Variants in PCDH11X observed in about 807,000 individuals in gnomAD.
PCDH11X encodes the protein protocadherin 11 X-linked.
A neutral mutation model predicts 53.3 loss-of-function variants in PCDH11X; 18 were observed. That is an observed-to-expected ratio of 0.34 (90% CI 0.23 to 0.50). The LOEUF (loss-of-function observed/expected upper bound fraction) is 0.50, where lower values mean the gene tolerates loss of function less well. Among genes scored for constraint, PCDH11X ranks in the 20% least tolerant of loss-of-function variants. The pLI is 0.98. For missense variants in PCDH11X, 570 were observed against 1,032.4 expected, an observed-to-expected ratio of 0.55 and a Z score of 6.14; for synonymous variants, 279 against 393.3, an observed-to-expected ratio of 0.71 and a Z score of 3.44.
At chrX:92,142,506 C>T (rs1210919961) in intron 6 of PCDH11X, among the ~76,000 whole-genome samples, 1 of 110,921 alleles carries the variant, frequency 9.0e-6, no homozygotes, top group African/African-American at 3.3e-5. Flanking sequence ...AGGCATGAGC[C>T]ACTGTGCCCG....
intron 9 of PCDH11X, among the ~76,000 whole-genome samples, chrX:92,395,806 G>A (rs377203092): frequency 1.5e-4 from 17 of 110,157 alleles, no homozygotes; most frequent in Admixed American, 1.4e-3. Flanking sequence ...AGTCACTAAT[G>A]TTGGTAAGCA....
intron 6 of PCDH11X, among the ~76,000 whole-genome samples, chrX:92,178,880 A>C (rs2065950542): frequency 8.9e-6 from 1 of 112,016 alleles, no homozygotes; most frequent in Non-Finnish European, 1.9e-5. Flanking sequence ...ACTATTTCAA[A>C]ATTAAATGAA....
chrX:92,293,588 A>T (rs6522517), intron 8 of PCDH11X, among the ~76,000 whole-genome samples: 1 of 101,719 alleles, frequency 9.8e-6, no homozygotes, highest in Non-Finnish European at 1.9e-5. Flanking sequence ...GCGCCACTGC[A>T]CTCCAGCCTG....
At position 92,621,765 on chromosome X, in the gene PCDH11X, G is replaced by A. The variant is rs930511574; in HGVS notation, c.*2825G>A. 4.5e-5 allele frequency: 5 copies of A among 111,549 alleles called. No homozygotes were observed. Among genetic ancestry groups the A allele is most frequent in the African/African-American group, 1.3e-4 (4 of 30,630 alleles). 9.2% of individuals were successfully genotyped at this position (111,549 alleles called of 1,213,427 possible). A position where few individuals can be genotyped will look rare whatever the true frequency, so the allele number is the denominator to read the frequency against. On this transcript the variant is annotated 3_prime_UTR_variant, in exon 11 of 11. Transcript: ENST00000682573. ...GTATGTAGTCCTACAACTGCAAAAC[G>A]TCTTACTGAACCAACAATCAAAAAA...
chrX:92,043,220 A>G (rs1429261045), intron 6 of PCDH11X, among the ~76,000 whole-genome samples: 3 of 107,045 alleles, frequency 2.8e-5, no homozygotes, highest in Non-Finnish European at 3.8e-5. Context: ...TTTCTTTAAC[A>G]TATTTTACTT....
At chrX:92,226,882 G>C (rs1372336470) in intron 7 of PCDH11X, among the ~76,000 whole-genome samples, 2 of 111,478 alleles carry the variant, frequency 1.8e-5, no homozygotes, top group Non-Finnish European at 1.9e-5. Flanking sequence ...AAAAGTTTTA[G>C]AGATAAAGAG....
At position 92,564,124 on chromosome X, in the gene PCDH11X, C is replaced by G. The variant is rs142656714; in HGVS notation, c.3368-54140C>G. On this transcript the variant is annotated intron_variant, in intron 10 of 10. Transcript: ENST00000682573. ...TGATAAAAGTAACTGAAGAGGACAC[C>G]AAAAAATGGAAAGATATTTCGTGTT... Among the ~76,000 whole-genome samples the G allele has an allele frequency of 7.0e-3, 773 of 110,610 alleles. 7 individuals are homozygous for G. The highest frequency in any genetic ancestry group is 0.024 in the African/African-American group (722 of 30,541).
rs1300630694 is a variant in PCDH11X at position 92,408,702 on chromosome X, C to G, written c.3343+20769C>G. Among the ~76,000 whole-genome samples the G allele has an allele frequency of 2.7e-5, 3 of 110,925 alleles. No individual in the cohort carries two copies. The Admixed American group carries it at 2.9e-4, about 11-fold the overall frequency. ...GGTTCACGCCATTCTCCTGCCTCAG[C>G]CTCCTCAGCAGCTGGGACTACAGGT... On this transcript the variant is annotated intron_variant, in intron 9 of 10. Transcript: ENST00000682573.
intron 10 of PCDH11X, among the ~76,000 whole-genome samples, chrX:92,539,102 G>T (rs2074715002): frequency 9.1e-6 from 1 of 109,664 alleles, no homozygotes; most frequent in Non-Finnish European, 1.9e-5. Context: ...AATCTGCATG[G>T]TGTTTTGTAA....
chrX:92,341,390 C>A (rs1373751263), intron 8 of PCDH11X, among the ~76,000 whole-genome samples: 1 of 111,654 alleles, frequency 9.0e-6, no homozygotes, highest in African/African-American at 3.3e-5. Context: ...CTCCTTGATA[C>A]CAAATTTTTG....
intron 8 of PCDH11X, among the ~76,000 whole-genome samples, chrX:92,277,737 G>A (rs145108305): frequency 2.9e-3 from 316 of 110,140 alleles, no homozygotes; most frequent in Non-Finnish European, 3.9e-3. Context: ...GGATTGGGGC[G>A]CAGAGATACG....
rs1007182626 is a variant in PCDH11X, at chrX:92,328,314, T to G, written c.3145-59421T>G. On this transcript the variant is annotated intron_variant, in intron 8 of 10. Coordinates refer to ENST00000682573, the MANE Select transcript of PCDH11X (RefSeq NM_032968.5). ...GGCTAGGGTCCCTGGTCAGTGATTATAGGGAAATTTATGGCATAAAATTAC... is the reference window on the plus strand; with the variant it reads ...GGCTAGGGTCCCTGGTCAGTGATTAGAGGGAAATTTATGGCATAAAATTAC... Among the ~76,000 whole-genome samples the G allele has an allele frequency of 4.5e-5, 5 of 110,430 alleles. No homozygotes were observed. The South Asian group carries it at 1.1e-3, about 25-fold the overall frequency.
At chrX:91,859,310 T>C (rs1468053550) in intron 5 of PCDH11X, among the ~76,000 whole-genome samples, 2 of 108,685 alleles carry the variant, frequency 1.8e-5, no homozygotes, top group East Asian at 5.8e-4. Context: ...CACTTTTTAA[T>C]GTTTTTTTTT....
intron 6 of PCDH11X, among the ~76,000 whole-genome samples, chrX:92,102,729 A>G (rs1432626403): frequency 9.0e-6 from 1 of 111,306 alleles, no homozygotes; most frequent in African/African-American, 3.3e-5. Context: ...AGCATGTTTG[A>G]GATCTAGAAC....
chrX:92,156,139 TAATA>T (rs1224319900), intron 6 of PCDH11X, among the ~76,000 whole-genome samples: 6 of 107,788 alleles, frequency 5.6e-5, no homozygotes, highest in African/African-American at 1.4e-4. Context: ...TATGACAAAA[TAATA>T]AATAAAGAGA....
intron 6 of PCDH11X, among the ~76,000 whole-genome samples, chrX:91,888,284 C>A (rs1056828064): frequency 3.6e-5 from 4 of 111,558 alleles, no homozygotes; most frequent in African/African-American, 1.3e-4. Context: ...ATCCTAGAAC[C>A]TTATATGTAC....
chrX:92,218,844 C>T (rs2066786902), intron 7 of PCDH11X, among the ~76,000 whole-genome samples: 1 of 111,380 alleles, frequency 9.0e-6, no homozygotes, highest in African/African-American at 3.3e-5. Context: ...AAAGCTTATC[C>T]ACCATGATCA....
intron 1 of PCDH11X, among the ~76,000 whole-genome samples, chrX:91,795,519 T>G (rs534447588): frequency 8.9e-6 from 1 of 111,875 alleles, no homozygotes; most frequent in Non-Finnish European, 1.9e-5. Flanking sequence ...CTAATGTGTG[T>G]TAAATAGTAA....
chrX:91,810,057 G>A (rs1384179410), intron 2 of PCDH11X, among the ~76,000 whole-genome samples: 1 of 111,224 alleles, frequency 9.0e-6, no homozygotes, highest in Non-Finnish European at 1.9e-5. Context: ...ATGTAGGTAG[G>A]AAGATGTCAT....
Sources: allele counts gnomAD v4.1 joint callset (sites outside exome capture counted in the v4.1 genomes callset), GRCh38; gene constraint gnomAD v4.1.1; transcripts MANE v1.5; gene names NCBI Gene and HGNC (gene_info 2026-07-23, HGNC 2026-07-21).